The following ZFAT variants were observed in gnomAD, a reference collection of about 807,000 sequenced individuals.
ZFAT encodes the protein zinc finger protein ZFAT.
ZFAT carries 64 observed loss-of-function variants against 117.7 expected under a neutral mutation model. The ratio of observed to expected loss-of-function variants is 0.54; its 90% confidence interval spans 0.44 to 0.67. The LOEUF is 0.67. Ranked by LOEUF, ZFAT falls within the 30% of genes least tolerant of loss-of-function variation. ZFAT has a pLI of 0.00. For missense variants in ZFAT, 1,433 were observed against 1,584.5 expected (o/e 0.90, Z 1.62); for synonymous variants, 679 against 615.0 (o/e 1.10, Z -1.54).
chr8:134,630,902 T>G (rs957078590), intron 3 of ZFAT, among the ~76,000 whole-genome samples: 1 of 152,256 alleles, frequency 6.6e-6, no homozygotes, highest in Non-Finnish European at 1.5e-5. Flanking sequence ...GTCACTAGAC[T>G]GCTCTTGACA....
chr8:134,658,717 A>T (rs375843488), intron 1 of ZFAT, among the ~76,000 whole-genome samples: 11 of 152,366 alleles, frequency 7.2e-5, no homozygotes, highest in Admixed American at 4.6e-4. Context: ...TAAAAGCCAG[A>T]TCTTTGTATT....
At chr8:134,610,255 G>A (rs1385609145) in intron 4 of ZFAT, among the ~76,000 whole-genome samples, 2 of 152,156 alleles carry the variant, frequency 1.3e-5, no homozygotes, top group Non-Finnish European at 2.9e-5. Flanking sequence ...CAAGAGCAGC[G>A]GCCCTCACAG....
chr8:134,731,517 C>CCATAGA, the ZFAT span, among the ~76,000 whole-genome samples: 1 of 152,112 alleles, frequency 6.6e-6, no homozygotes, highest in Non-Finnish European at 1.5e-5. Context: ...GCAAAAGCAG[C>CCATAGA]CATAGACATA....
chr8:134,705,934 G>A (rs1244747912), intron 1 of ZFAT, among the ~76,000 whole-genome samples: 1 of 152,130 alleles, frequency 6.6e-6, no homozygotes, highest in Non-Finnish European at 1.5e-5. Flanking sequence ...AACATCATTG[G>A]TCATCAGGGA....
chr8:134,495,427 G>A (rs765153626), intron 15 of ZFAT, among the ~76,000 whole-genome samples: 1 of 152,068 alleles, frequency 6.6e-6, no homozygotes, highest in Non-Finnish European at 1.5e-5. Context: ...CATCATTTTG[G>A]GGATTAGATT....
rs368641417 is a variant in ZFAT, at chr8:134,637,501, G to A, written c.408C>T (p.Cys136=). Residue 136 remains cysteine (C), a synonymous_variant, in exon 3 of 16, where the codon TGC becomes TGT. Transcript: ENST00000377838. ...CCTCACCCAAATTCAGCACGATAAT[G>A]CAGATGTGCTTCCGCAGCTGGCGCG... The part of the protein sequence containing the change: ...SNTRQLRKHI[C]IIVLNLGEEE... 7 of 1,613,874 alleles carry A rather than the reference G, an allele frequency of 4.3e-6. No homozygotes were observed. Among genetic ancestry groups the A allele is most frequent in the Non-Finnish European group, 5.9e-6 (7 of 1,179,850 alleles).
intron 1 of ZFAT, among the ~76,000 whole-genome samples, chr8:134,706,791 G>T (rs1834163089): frequency 1.3e-5 from 2 of 151,382 alleles, no homozygotes; most frequent in African/African-American, 4.9e-5. Context: ...TGATGAAAAA[G>T]TTCTGTATAT....
intron 11 of ZFAT, among the ~76,000 whole-genome samples, chr8:134,556,926 T>C (rs1314091270): frequency 6.6e-6 from 1 of 151,992 alleles, no homozygotes; most frequent in Non-Finnish European, 1.5e-5. Context: ...ATATTTTAAT[T>C]AAATGCTTTT....
intron 11 of ZFAT, among the ~76,000 whole-genome samples, chr8:134,553,271 C>T (rs112636065): frequency 3.9e-5 from 6 of 152,140 alleles, no homozygotes; most frequent in South Asian, 2.1e-4. Context: ...TTTGGGAGGC[C>T]GAGGCAGGTG....
the ZFAT span, among the ~76,000 whole-genome samples, chr8:134,791,388 A>C: frequency 2.0e-5 from 3 of 152,150 alleles, no homozygotes; most frequent in Non-Finnish European, 4.4e-5. Flanking sequence ...TCTTGCTGTT[A>C]AAGTCTCAGG....
chr8:134,696,437 A>G lies in ZFAT; in HGVS notation c.19+16408T>C, dbSNP rs1427507189. On this transcript the variant is annotated intron_variant, in intron 1 of 15. Coordinates refer to ENST00000377838, the MANE Select transcript of ZFAT (RefSeq NM_020863.4). ...CTCGCATCGGGAGAATTACCTCGTA[A>G]ACCTCCACCAAGGGCAGAGTAGGAG... The G allele has an allele frequency of 3.0e-6, 3 of 985,496 alleles. No individual in the cohort carries two copies. The East Asian group carries it at 3.4e-4, about 112-fold the overall frequency. The allele number at this position is 985,496 out of a possible 1,614,324, so 61.0% of individuals were successfully genotyped here.
chr8:134,785,843 GT>G, the ZFAT span: 3 of 151,864 alleles, frequency 2.0e-5, no homozygotes, highest in Non-Finnish European at 4.4e-5. Context: ...TCCATAAAAA[GT>G]TTTGTTGAGA....
At chr8:134,747,489 A>G in the ZFAT span, among the ~76,000 whole-genome samples, 2 of 152,236 alleles carry the variant, frequency 1.3e-5, no homozygotes, top group African/African-American at 4.8e-5. Context: ...TTCCTAATAG[A>G]TTTTTAAAAA....
At chr8:134,625,605 T>C (rs1162507800) in intron 3 of ZFAT, among the ~76,000 whole-genome samples, 1 of 152,244 alleles carries the variant, frequency 6.6e-6, no homozygotes, top group Non-Finnish European at 1.5e-5. Flanking sequence ...AATAGACTTG[T>C]CTTACTCAAC....
chr8:134,606,677 A>G (rs1827908246), intron 5 of ZFAT, among the ~76,000 whole-genome samples: 1 of 151,704 alleles, frequency 6.6e-6, no homozygotes. Flanking sequence ...GCAGTGAGCC[A>G]AGATTGTGCC....
intron 3 of ZFAT, among the ~76,000 whole-genome samples, chr8:134,620,436 C>T (rs1829034568): frequency 6.6e-6 from 1 of 152,202 alleles, no homozygotes; most frequent in African/African-American, 2.4e-5. Context: ...GGCTGCTGCT[C>T]TGGCCTGGCA....
intron 7 of ZFAT, among the ~76,000 whole-genome samples, chr8:134,596,511 C>T (rs76137180): frequency 6.6e-6 from 1 of 152,198 alleles, no homozygotes; most frequent in Non-Finnish European, 1.5e-5. Flanking sequence ...TTTGAAAACC[C>T]TTTAAGGAAA....
chr8:134,669,442 A>G (rs1832438296), intron 1 of ZFAT, among the ~76,000 whole-genome samples: 1 of 152,274 alleles, frequency 6.6e-6, no homozygotes, highest in Admixed American at 6.5e-5. Context: ...AGTGGAAGCC[A>G]ATATTCAACA....
In ZFAT at chr8:134,602,899, C is replaced by A; in HGVS notation, c.820G>T (p.Glu274Ter). 1 of 1,613,076 alleles carries A rather than the reference C, an allele frequency of 6.2e-7. No homozygotes were observed. The highest frequency in any genetic ancestry group is 8.5e-7 in the Non-Finnish European group (1 of 1,179,438). Residue 274 changes from glutamate to a stop codon, truncating the protein, a stop_gained, in exon 6 of 16, where the codon GAA becomes TAA. Transcript: ENST00000377838. LOFTEE classifies it high-confidence loss of function. The stretch of plus-strand genomic sequence containing the variant: ...AACTTGAAGACCTTGTTGCAGTATT[C>A]ACAAGTGAAGATTTTGAGCTGAGTG... ...GPTQLKIFTC[E>*]YCNKVFKFKH...
Sources: gnomAD v4.1 joint callset for allele counts (sites outside exome capture counted in the v4.1 genomes callset) on GRCh38, gnomAD v4.1.1 for gene constraint, MANE v1.5 for transcripts, NCBI Gene and HGNC (gene_info 2026-07-23, HGNC 2026-07-21) for gene names.